Variants in NAA16 observed in about 807,000 individuals in gnomAD.
NAA16 encodes the protein N-alpha-acetyltransferase 16, NatA auxiliary subunit, also known as NARG1-like protein.
Under a neutral mutation model 110.3 loss-of-function variants are expected in NAA16, and 97 were observed. The ratio of observed to expected loss-of-function variants is 0.88; its 90% CI spans 0.75 to 1.04. NAA16 has a LOEUF of 1.04. NAA16 is among the 50% of genes least tolerant of loss of function. The pLI is 0.00. For synonymous variants in NAA16, 372 were observed against 330.6 expected (o/e 1.13, Z -1.36); for missense variants, 1,017 against 1,005.1 (o/e 1.01, Z -0.16).
rs930137815 is a variant in NAA16, at chr13:41,361,793, A to G, written c.1411-238A>G. 1.8e-4 allele frequency among the ~76,000 whole-genome samples: 28 copies of G among 152,212 alleles called. 1 individual carries two copies. The highest frequency in any genetic ancestry group is 1.3e-4 in the Non-Finnish European group (9 of 68,028). ...AACGTATGAATTGTTTATTTCTGCA[A>G]TTTTCCCTTTAATATCTTTAGACCA... On this transcript the variant is annotated intron_variant, in intron 12 of 19. Transcript: ENST00000379406.
intron 13 of NAA16, among the ~76,000 whole-genome samples, chr13:41,363,584 C>A (rs1163562249): frequency 6.6e-6 from 1 of 151,930 alleles, no homozygotes; most frequent in African/African-American, 2.4e-5. Flanking sequence ...TATACTTTCC[C>A]TTAAATTTTT....
Position 41,328,735 on chromosome 13 carries a change from T to A in NAA16, c.703T>A (p.Leu235Met). The A allele has an allele frequency of 6.2e-7, 1 of 1,606,084 alleles. No homozygotes were observed. The highest frequency in any genetic ancestry group is 8.5e-7 in the Non-Finnish European group (1 of 1,174,300). Residue 235 changes from leucine (L) to methionine (M), a missense_variant, in exon 7 of 20, where the codon TTG (leucine) becomes ATG (methionine). Coordinates refer to ENST00000379406, the MANE Select transcript of NAA16 (RefSeq NM_024561.5). ...LVEEIKGEIL[L>M]KLGRLKEASE... is the part of the protein sequence containing the mutation. The stretch of plus-strand genomic sequence containing the variant: ...AAACTTAATTTCAGGGGAAATACTG[T>A]TGAAATTGGGAAGATTAAAAGAAGC...
At chr13:41,316,337 C>T (rs1448630343) in intron 1 of NAA16, among the ~76,000 whole-genome samples, 38 of 147,166 alleles carry the variant, frequency 2.6e-4, no homozygotes, top group Non-Finnish European at 3.7e-4. Context: ...GACAGAGTCT[C>T]GCTCTGTTTC....
At chr13:41,316,725 T>C in intron 1 of NAA16, 121 bp from the exon 2 acceptor site, 3 of 638,968 alleles carry the variant, frequency 4.7e-6, no homozygotes, top group South Asian at 1.8e-5. Flanking sequence ...GTAAGTGATA[T>C]CCTTTCTATC....
intron 10 of NAA16, among the ~76,000 whole-genome samples, chr13:41,358,077 G>A (rs1025310227): frequency 2.6e-5 from 4 of 152,172 alleles, no homozygotes; most frequent in Non-Finnish European, 5.9e-5. Context: ...TCTTTGGAGT[G>A]AGATTGGGGT....
At chr13:41,339,351 T>A (rs1405688153) in intron 9 of NAA16, among the ~76,000 whole-genome samples, 1 of 151,976 alleles carries the variant, frequency 6.6e-6, no homozygotes, top group Non-Finnish European at 1.5e-5. Context: ...GTTGGTCAGG[T>A]TGGTCTTGAA....
chr13:41,359,342 C>T (rs1323327239), intron 12 of NAA16, among the ~76,000 whole-genome samples: 1 of 152,132 alleles, frequency 6.6e-6, no homozygotes, highest in Non-Finnish European at 1.5e-5. Flanking sequence ...AGAGTTCTTT[C>T]TTTGTAGAAC....
chr13:41,345,641 G>C (rs1276097352), intron 9 of NAA16, among the ~76,000 whole-genome samples: 2 of 152,034 alleles, frequency 1.3e-5, no homozygotes, highest in African/African-American at 4.8e-5. Flanking sequence ...GGAGTACAGT[G>C]GTGCGATCTC....
rs113287131 is a variant in NAA16, at chr13:41,318,187, AC to A, written c.140-618del. Among the ~76,000 whole-genome samples, 26 of 150,732 alleles carry A rather than the reference AC, an allele frequency of 1.7e-4. 1 individual carries two copies. Among genetic ancestry groups the A allele is most frequent in the African/African-American group, 6.1e-4 (25 of 40,940 alleles). On this transcript the variant is annotated intron_variant, in intron 2 of 19. Coordinates refer to ENST00000379406, the MANE Select transcript of NAA16 (RefSeq NM_024561.5). The stretch of plus-strand genomic sequence containing the variant: ...CTATGGTAGATTTAATTCCATTAAG[AC>A]TCATGTCTGCTTTGTAATTTTTTTT...
At position 41,374,739 on chromosome 13, in the gene NAA16, C is replaced by T. The variant is rs373097152; in HGVS notation, c.2300-3C>T. ...TTCATTTTGAAATGCCTTGGTATTT[C>T]AGGTGCTAAAATGATGTATTTTCTG... On this transcript the variant is annotated splice_region_variant and splice_polypyrimidine_tract_variant and intron_variant, in intron 18 of 19. Coordinates refer to ENST00000379406, the MANE Select transcript of NAA16 (RefSeq NM_024561.5). The T allele has an allele frequency of 6.3e-7, 1 of 1,595,036 alleles. No homozygotes were observed. The highest frequency in any genetic ancestry group is 8.6e-7 in the Non-Finnish European group (1 of 1,165,014).
chr13:41,338,422 G>A (rs2042441355), intron 9 of NAA16, among the ~76,000 whole-genome samples: 1 of 152,052 alleles, frequency 6.6e-6, no homozygotes, highest in African/African-American at 2.4e-5. Context: ...TATAAAGCAT[G>A]AAAATTATGT....
intron 13 of NAA16, among the ~76,000 whole-genome samples, chr13:41,364,907 C>G (rs925490151): frequency 6.6e-6 from 1 of 151,994 alleles, no homozygotes; most frequent in African/African-American, 2.4e-5. Flanking sequence ...TAGTCACATC[C>G]GGGAACTCTG....
chr13:41,372,971 A>G, intron 17 of NAA16, 141 bp downstream of exon 17: 1 of 1,127,250 alleles, frequency 8.9e-7, no homozygotes, highest in Non-Finnish European at 1.1e-6. Context: ...TTCATGATAC[A>G]AATCCTCTGA....
Position 41,311,465 on chromosome 13 carries a change from C to T in NAA16, c.-64C>T. ...AGCGGTTCGTCCCGGTGCCCACCCC[C>T]GCGAAGCGGAGCGCCCGGGCACCTA... On this transcript the variant is annotated 5_prime_UTR_variant, in exon 1 of 20. Transcript: ENST00000379406. The T allele has an allele frequency of 2.0e-6, 3 of 1,515,898 alleles. No individual in the cohort carries two copies. The highest frequency in any genetic ancestry group is 2.7e-6 in the Non-Finnish European group (3 of 1,115,154). The allele number at this position is 1,515,898 out of a possible 1,614,324, so 93.9% of individuals were successfully genotyped here.
intron 9 of NAA16, among the ~76,000 whole-genome samples, chr13:41,347,923 G>A (rs1359514223): frequency 1.3e-5 from 2 of 152,084 alleles, no homozygotes; most frequent in Admixed American, 6.6e-5. Flanking sequence ...TGCTCTTAGA[G>A]GAAAAGCATC....
chr13:41,371,638 A>G lies in NAA16; in HGVS notation c.1948-565A>G, dbSNP rs138449257. Among the ~76,000 whole-genome samples the G allele has an allele frequency of 8.5e-5, 13 of 152,318 alleles. No individual in the cohort carries two copies. In the East Asian group the frequency reaches 2.3e-3, roughly 27 times the overall value. Reference sequence around the variant, plus strand: ...CTTTATTATAAGAATACAGTATACAATACATGTAACATACACAATATGTGT... The same window carrying G: ...CTTTATTATAAGAATACAGTATACAGTACATGTAACATACACAATATGTGT... On this transcript the variant is annotated intron_variant, in intron 15 of 19. Coordinates refer to ENST00000379406, the MANE Select transcript of NAA16 (RefSeq NM_024561.5).
rs1178835309 is a variant in NAA16 at position 41,376,732 on chromosome 13, T to C, written c.*1130T>C. 6.6e-6 allele frequency: 1 copy of C among 152,240 alleles called. No homozygotes were observed. The highest frequency in any genetic ancestry group is 1.9e-4 in the East Asian group (1 of 5,204). 9.4% of individuals were successfully genotyped at this position (152,240 alleles called of 1,614,324 possible). On this transcript the variant is annotated 3_prime_UTR_variant, in exon 20 of 20. Coordinates refer to ENST00000379406, the MANE Select transcript of NAA16 (RefSeq NM_024561.5). ...GAGATTTGAAACTCATTAGTTTAAC[T>C]CTTAAAACATAGTGTTGTTAAACAG...
intron 9 of NAA16, among the ~76,000 whole-genome samples, chr13:41,353,260 GT>G (rs1318617554): frequency 1.3e-5 from 2 of 152,158 alleles, no homozygotes; most frequent in Admixed American, 1.3e-4. Flanking sequence ...GCCTTTATAA[GT>G]TTAACAACTT....
intron 18 of NAA16, among the ~76,000 whole-genome samples, chr13:41,374,322 AT>A (rs1326795776): frequency 6.6e-6 from 1 of 152,046 alleles, no homozygotes; most frequent in Non-Finnish European, 1.5e-5. Flanking sequence ...TGTGACAGTA[AT>A]TTATTCCTTA....
Sources: allele counts gnomAD v4.1 joint callset (sites outside exome capture counted in the v4.1 genomes callset), GRCh38; gene constraint gnomAD v4.1.1; transcripts MANE v1.5; gene names NCBI Gene and HGNC (gene_info 2026-07-23, HGNC 2026-07-21).